CDKL1: variants seen among roughly 807,000 people sequenced by gnomAD.
The protein encoded by CDKL1 is cyclin-dependent kinase-like 1.
A neutral mutation model predicts 42.0 loss-of-function variants in CDKL1; 41 were observed. That is an observed-to-expected ratio of 0.98 (90% confidence interval 0.76 to 1.27). CDKL1 has a LOEUF of 1.27. Among genes scored for constraint, CDKL1 ranks in the 50% most tolerant of loss-of-function variants. The pLI is 0.00. For synonymous variants in CDKL1, 153 were observed against 158.6 expected (o/e 0.96, Z 0.26); for missense variants, 394 against 428.4 (o/e 0.92, Z 0.71).
chr14:50,359,083 C>T lies in CDKL1; in HGVS notation c.235G>A (p.Val79Met). Residue 79 changes from valine to methionine, a missense_variant, in exon 3 of 10, where the codon GTG becomes ATG. By Grantham distance (21) the Val-to-Met change is conservative. Coordinates refer to ENST00000395834, the MANE Select transcript of CDKL1 (RefSeq NM_004196.7). Reference sequence around the variant, plus strand: ...ACTGTGTGGTCACAATATTCAAACACCAGGTGAAGCCTCCGTTTCCTCCTG... The same window carrying T: ...ACTGTGTGGTCACAATATTCAAACATCAGGTGAAGCCTCCGTTTCCTCCTG... ...VFRRKRRLHL[V>M]FEYCDHTVLH... The T allele has an allele frequency of 1.2e-6, 2 of 1,612,914 alleles. No homozygotes were observed. Among genetic ancestry groups the T allele is most frequent in the African/African-American group, 1.3e-5 (1 of 74,998 alleles).
rs2034014183 is a variant in CDKL1, at chr14:50,354,966, T to C, written c.290+4062A>G. On this transcript the variant is annotated intron_variant, in intron 3 of 9. Transcript: ENST00000395834. ...GAAAAATATCAATAACAATCATAAC[T>C]CATCACTAGTAATATTCAGATTACT... is the stretch of plus-strand genomic sequence containing the variant. Among the ~76,000 whole-genome samples the C allele has an allele frequency of 3.3e-5, 5 of 152,196 alleles. No individual in the cohort carries two copies. The South Asian group carries it at 1.0e-3, about 32-fold the overall frequency.
chr14:50,383,068 C>T (rs1488481132), intron 2 of CDKL1, among the ~76,000 whole-genome samples: 1 of 152,082 alleles, frequency 6.6e-6, no homozygotes, highest in Non-Finnish European at 1.5e-5. Flanking sequence ...GCTGGGACTA[C>T]AGGCGTGTGC....
intron 2 of CDKL1, among the ~76,000 whole-genome samples, chr14:50,372,541 T>C (rs896030172): frequency 3.9e-5 from 6 of 152,256 alleles, no homozygotes; most frequent in African/African-American, 1.4e-4. Context: ...AGAAACTTTT[T>C]AGTTTCATGT....
chr14:50,340,177 A>G (rs2033460467), intron 6 of CDKL1, among the ~76,000 whole-genome samples: 2 of 152,336 alleles, frequency 1.3e-5, no homozygotes, highest in South Asian at 4.1e-4. Context: ...GAAGGCCTAC[A>G]AAGCGCCTTC....
chr14:50,366,379 C>G (rs1375056432), intron 2 of CDKL1, among the ~76,000 whole-genome samples: 1 of 152,128 alleles, frequency 6.6e-6, no homozygotes, highest in Non-Finnish European at 1.5e-5. Flanking sequence ...CAGGAGAGAA[C>G]TTGGGTCACT....
intron 2 of CDKL1, among the ~76,000 whole-genome samples, chr14:50,382,261 G>A (rs2034931129): frequency 1.3e-5 from 2 of 152,170 alleles, no homozygotes; most frequent in Non-Finnish European, 2.9e-5. Flanking sequence ...GACCATCCTG[G>A]CTAACGCGGT....
intron 8 of CDKL1, 34 bp from the exon 9 acceptor site, chr14:50,332,466 T>C (rs775019423): frequency 3.2e-6 from 5 of 1,568,744 alleles, no homozygotes; most frequent in Non-Finnish European, 4.3e-6. Flanking sequence ...TTCTTACTTC[T>C]TCAAAATTGT....
chr14:50,383,990 A>T (rs2034999767), intron 2 of CDKL1, among the ~76,000 whole-genome samples: 1 of 152,240 alleles, frequency 6.6e-6, no homozygotes, highest in Admixed American at 6.5e-5. Context: ...AAACAAACAA[A>T]ACAGCCTGTT....
chr14:50,388,924 C>A (rs1333764776), intron 2 of CDKL1, among the ~76,000 whole-genome samples: 1 of 151,554 alleles, frequency 6.6e-6, no homozygotes, highest in Non-Finnish European at 1.5e-5. Context: ...ACAGTGAAAC[C>A]CTGTCTCTAC....
At chr14:50,397,227 G>A (rs190089769), upstream of CDKL1, 3,909 of 1,366,584 alleles carry the variant, frequency 2.9e-3, 21 homozygotes, top group South Asian at 9.1e-3. Context: ...CCTCAGAACC[G>A]CGGTTATTCC....
Position 50,390,301 on chromosome 14 carries a change from A to G in CDKL1, c.168+5400T>C. The G allele has an allele frequency of 2.2e-6, 3 of 1,366,214 alleles. No homozygotes were observed. The Middle Eastern group carries it at 6.3e-4, about 287-fold the overall frequency. 84.6% of individuals were successfully genotyped at this position (1,366,214 alleles called of 1,614,324 possible). A position where few individuals can be genotyped will look rare whatever the true frequency, so the allele number is the denominator to read the frequency against. Reference sequence around the variant, plus strand: ...CCTGCCATAGGTAGAACGTCTGCCCAGGGATCCCACAGTGACACTGTCCTG... The same window carrying G: ...CCTGCCATAGGTAGAACGTCTGCCCGGGGATCCCACAGTGACACTGTCCTG... On this transcript the variant is annotated intron_variant, in intron 2 of 9. Coordinates refer to ENST00000395834, the MANE Select transcript of CDKL1 (RefSeq NM_004196.7).
rs757409058 is a variant in CDKL1, at chr14:50,359,025, C to G, written c.290+3G>C. On this transcript the variant is annotated splice_donor_region_variant and intron_variant, in intron 3 of 9. Coordinates refer to ENST00000395834, the MANE Select transcript of CDKL1 (RefSeq NM_004196.7). ...TTTTGCTTGTAAGGGATGGATCACT[C>G]ACCCTCTTTGGTATCTGTCCAACTC... The G allele has an allele frequency of 1.2e-6, 2 of 1,609,882 alleles. No individual in the cohort carries two copies. Among genetic ancestry groups the G allele is most frequent in the East Asian group, 4.5e-5 (2 of 44,816 alleles).
At position 50,358,128 on chromosome 14, in the gene CDKL1, C is replaced by A. The variant is rs753877378; in HGVS notation, c.290+900G>T. The A allele has an allele frequency of 1.9e-5, 25 of 1,350,348 alleles. No individual in the cohort carries two copies. In the Middle Eastern group the frequency reaches 6.3e-4, roughly 34 times the overall value. 83.6% of individuals were successfully genotyped at this position (1,350,348 alleles called of 1,614,324 possible). On this transcript the variant is annotated intron_variant, in intron 3 of 9. Transcript: ENST00000395834. ...TCACCAAGTCTTCTTCCAGTGCACA[C>A]AAAGATGTTGCATATGCTAGAGAGA...
chr14:50,338,324 C>A (rs2033384295), intron 7 of CDKL1, among the ~76,000 whole-genome samples: 1 of 151,790 alleles, frequency 6.6e-6, no homozygotes, highest in South Asian at 2.1e-4. Flanking sequence ...ACCTCCTGGG[C>A]TCAAGCAATT....
intron 2 of CDKL1, chr14:50,378,037 A>G (rs1486337950): frequency 2.5e-6 from 2 of 798,950 alleles, no homozygotes; most frequent in Non-Finnish European, 3.5e-6. Context: ...TATGGTGAGA[A>G]AAGAGAATCA....
At chr14:50,337,773 T>C (rs2033360320) in intron 7 of CDKL1, among the ~76,000 whole-genome samples, 1 of 149,840 alleles carries the variant, frequency 6.7e-6, no homozygotes, top group Non-Finnish European at 1.5e-5. Context: ...CTCAACTTCC[T>C]AAGCTCAGGT....
In CDKL1 at chr14:50,395,835, C is replaced by A; in HGVS notation, c.34G>T (p.Glu12Ter). The A allele has an allele frequency of 6.2e-7, 1 of 1,611,216 alleles. No homozygotes were observed. Among genetic ancestry groups the A allele is most frequent in the Non-Finnish European group, 8.5e-7 (1 of 1,177,314 alleles). ...EKYEKIGKIG[E>*]GSYGVVFKCR... ...TTGAAAACAACTCCATAGGATCCTT[C>A]TCCAATTTTCCCAATTTTTTCATAC... The change falls in exon 2 of 10, where the codon GAA becomes TAA. Residue 12 changes from glutamate to a stop codon, truncating the protein, a stop_gained. Transcript: ENST00000395834. LOFTEE classifies it high-confidence loss of function.
Position 50,351,523 on chromosome 14 carries a change from C to CA in CDKL1, c.291-6466dup, listed in dbSNP as rs202078025. On this transcript the variant is annotated intron_variant, in intron 3 of 9. Coordinates refer to ENST00000395834, the MANE Select transcript of CDKL1 (RefSeq NM_004196.7). ...CTGAGGTGGGCAGATTGCTTGAGCC[C>CA]AAAAGTTTGAGACCAGCCTGGGCAA... is the stretch of plus-strand genomic sequence containing the variant. 7.1e-3 allele frequency among the ~76,000 whole-genome samples: 1,085 copies of CA among 151,972 alleles called. 14 individuals carry two copies. The highest frequency in any genetic ancestry group is 0.025 in the African/African-American group (1,041 of 41,444).
In CDKL1 at chr14:50,353,848, T is replaced by C. The variant is rs1038586339; in HGVS notation, c.290+5180A>G. ...GAGTTCAAGTTTAGCCTGAGCAGCA[T>C]AGCAACAAGACCCTGTTTCTAATAT... On this transcript the variant is annotated intron_variant, in intron 3 of 9. Transcript: ENST00000395834. Among the ~76,000 whole-genome samples, 3 of 152,106 alleles carry C rather than the reference T, an allele frequency of 2.0e-5. No homozygotes were observed. In the East Asian group the frequency reaches 5.8e-4, roughly 29 times the overall value.
Sources: gnomAD v4.1 joint callset for allele counts (sites outside exome capture counted in the v4.1 genomes callset) on GRCh38, gnomAD v4.1.1 for gene constraint, MANE v1.5 for transcripts, NCBI Gene and HGNC (gene_info 2026-07-23, HGNC 2026-07-21) for gene names.